MAPKAP1: variants seen among roughly 807,000 people sequenced by gnomAD.
MAPKAP1 encodes the protein MAPK associated protein 1, also known as target of rapamycin complex 2 subunit MAPKAP1.
MAPKAP1 carries 20 observed loss-of-function variants against 65.7 expected under a neutral mutation model. The ratio of observed to expected loss-of-function variants is 0.30; its 90% CI spans 0.21 to 0.44. MAPKAP1 has a LOEUF of 0.44. Among genes scored for constraint, MAPKAP1 ranks in the 20% least tolerant of loss-of-function variants. The pLI is 1.00. For missense variants in MAPKAP1, 423 were observed against 648.0 expected (o/e 0.65, Z 3.77); for synonymous variants, 222 against 244.3 (o/e 0.91, Z 0.85).
chr9:125,625,267 A>AT (rs745712709), intron 4 of MAPKAP1, among the ~76,000 whole-genome samples: 29,406 of 142,004 alleles, frequency 0.21, 4,337 homozygotes, highest in Non-Finnish European at 0.28. Flanking sequence ...AAAAAAAAAA[A>AT]AAAAAAAAAA....
intron 6 of MAPKAP1, among the ~76,000 whole-genome samples, chr9:125,556,235 C>T (rs117697503): frequency 1.3e-5 from 2 of 152,354 alleles, no homozygotes; most frequent in South Asian, 2.1e-4. Context: ...CAGGACCACA[C>T]ACACTAGTAA....
intron 4 of MAPKAP1, among the ~76,000 whole-genome samples, chr9:125,634,570 A>C (rs1331375256): frequency 6.6e-6 from 1 of 152,198 alleles, no homozygotes; most frequent in African/African-American, 2.4e-5. Context: ...AATCCCACTG[A>C]AACAATTATA....
intron 8 of MAPKAP1, chr9:125,506,023 C>T (rs1021856536): frequency 6.8e-6 from 3 of 439,722 alleles, no homozygotes; most frequent in African/African-American, 2.0e-5. Flanking sequence ...CAGAAAAGGC[C>T]TCATGCTTCT....
intron 4 of MAPKAP1, among the ~76,000 whole-genome samples, chr9:125,645,736 CAAAAAAAA>C (rs1044199278): frequency 3.7e-5 from 2 of 54,066 alleles, no homozygotes; most frequent in Non-Finnish European, 4.0e-5. Context: ...GACTCTGTCT[CAAAAAAAA>C]AAAAAAAAAA....
intron 4 of MAPKAP1, among the ~76,000 whole-genome samples, chr9:125,643,529 T>C (rs940080288): frequency 6.6e-6 from 1 of 152,142 alleles, no homozygotes; most frequent in Non-Finnish European, 1.5e-5. Context: ...TTATTCACCA[T>C]ATTATACAAA....
At chr9:125,446,065 G>A (rs542490707) in intron 10 of MAPKAP1, among the ~76,000 whole-genome samples, 2 of 152,242 alleles carry the variant, frequency 1.3e-5, no homozygotes, top group East Asian at 1.9e-4. Flanking sequence ...TTTAATTGAA[G>A]CAGCGGCTGG....
intron 4 of MAPKAP1, among the ~76,000 whole-genome samples, chr9:125,632,401 A>G (rs76957125): frequency 0.012 from 1,769 of 152,256 alleles, 30 homozygotes; most frequent in Middle Eastern, 0.044. Flanking sequence ...ACAGGCACTC[A>G]AGAAATATTT....
intron 9 of MAPKAP1, among the ~76,000 whole-genome samples, chr9:125,468,426 GT>G (rs1459151057): frequency 6.6e-6 from 1 of 152,186 alleles, no homozygotes; most frequent in Non-Finnish European, 1.5e-5. Flanking sequence ...ATTTACAGCC[GT>G]ACATTATCTC....
At chr9:125,573,516 T>C (rs568779410) in intron 5 of MAPKAP1, among the ~76,000 whole-genome samples, 12 of 152,278 alleles carry the variant, frequency 7.9e-5, no homozygotes, top group Admixed American at 7.2e-4. Flanking sequence ...CCCCAAAGGG[T>C]TGGCTATGGA....
intron 10 of MAPKAP1, among the ~76,000 whole-genome samples, chr9:125,461,495 A>G (rs1384949307): frequency 2.0e-5 from 3 of 152,258 alleles, no homozygotes; most frequent in Non-Finnish European, 4.4e-5. Flanking sequence ...AAATGCAGCA[A>G]GGAGTTTTAA....
chr9:125,645,683 G>A, intron 4 of MAPKAP1, among the ~76,000 whole-genome samples: 1 of 146,422 alleles, frequency 6.8e-6, no homozygotes, highest in Admixed American at 7.0e-5. Flanking sequence ...GTTGCAGTGA[G>A]CCAAGATCGC....
At chr9:125,456,730 C>A (rs1853176521) in intron 10 of MAPKAP1, among the ~76,000 whole-genome samples, 1 of 152,176 alleles carries the variant, frequency 6.6e-6, no homozygotes, top group Non-Finnish European at 1.5e-5. Context: ...AGCAACGACT[C>A]AGTGAGCTTG....
intron 4 of MAPKAP1, among the ~76,000 whole-genome samples, chr9:125,586,852 CACA>C (rs1831802905): frequency 1.3e-5 from 2 of 152,312 alleles, no homozygotes; most frequent in East Asian, 1.9e-4. Context: ...TATCCCAAGT[CACA>C]ACAACAACCC....
At chr9:125,487,251 A>T (rs1564527982) in intron 8 of MAPKAP1, among the ~76,000 whole-genome samples, 1 of 152,142 alleles carries the variant, frequency 6.6e-6, no homozygotes, top group Non-Finnish European at 1.5e-5. Context: ...TTGGACAGAG[A>T]TGCCATGATC....
chr9:125,452,911 A>G (rs1392803200), intron 10 of MAPKAP1, among the ~76,000 whole-genome samples: 2 of 152,202 alleles, frequency 1.3e-5, no homozygotes, highest in African/African-American at 4.8e-5. Context: ...CAAACAAACA[A>G]AAAAAGAAAA....
intron 4 of MAPKAP1, among the ~76,000 whole-genome samples, chr9:125,656,372 A>T (rs1414004316): frequency 6.6e-6 from 1 of 152,222 alleles, no homozygotes; most frequent in Non-Finnish European, 1.5e-5. Context: ...CTTTACATCA[A>T]TACAGTCTAT....
At chr9:125,623,009 GC>G (rs1436451460) in intron 4 of MAPKAP1, among the ~76,000 whole-genome samples, 2 of 151,960 alleles carry the variant, frequency 1.3e-5, no homozygotes, top group East Asian at 3.9e-4. Context: ...TGTTGGCCGG[GC>G]CGGTCTCCAG....
At chr9:125,605,612 G>A (rs1351621341) in intron 4 of MAPKAP1, among the ~76,000 whole-genome samples, 1 of 152,206 alleles carries the variant, frequency 6.6e-6, no homozygotes, top group Non-Finnish European at 1.5e-5. Flanking sequence ...CTGCACTTCG[G>A]AACCCATTGT....
intron 1 of MAPKAP1, among the ~76,000 whole-genome samples, chr9:125,691,637 C>CACT (rs938620522): frequency 1.5e-4 from 22 of 150,744 alleles, no homozygotes; most frequent in African/African-American, 5.4e-4. Flanking sequence ...CAAGGAACAG[C>CACT]AATAGTTAAA....
Sources: allele counts gnomAD v4.1 joint callset (sites outside exome capture counted in the v4.1 genomes callset), GRCh38; gene constraint gnomAD v4.1.1; transcripts MANE v1.5; gene names NCBI Gene and HGNC (gene_info 2026-07-23, HGNC 2026-07-21).